The following TMEM232 variants were observed in gnomAD, a reference collection of about 807,000 sequenced individuals.
TMEM232 encodes transmembrane protein 232.
A neutral mutation model predicts 78.8 loss-of-function variants in TMEM232; 80 were observed. The observed-to-expected ratio is 1.01, with a 90% CI of 0.85 to 1.22. The LOEUF is 1.22. Ranked by LOEUF, TMEM232 falls within the 50% of genes most tolerant of loss-of-function variation. The pLI is 0.00. For synonymous variants in TMEM232, 297 were observed against 254.3 expected, an observed-to-expected ratio of 1.17 and a Z score of -1.60; for missense variants, 881 against 742.2, an observed-to-expected ratio of 1.19 and a Z score of -2.17.
intron 8 of TMEM232, among the ~76,000 whole-genome samples, chr5:110,615,928 G>A (rs908211995): frequency 1.3e-5 from 2 of 151,586 alleles, no homozygotes; most frequent in Non-Finnish European, 3.0e-5. Flanking sequence ...TAAAGCCTAA[G>A]CAATTAAGTG....
intron 12 of TMEM232, among the ~76,000 whole-genome samples, chr5:110,487,746 T>C (rs952266040): frequency 2.6e-5 from 4 of 152,060 alleles, no homozygotes; most frequent in African/African-American, 4.8e-5. Flanking sequence ...TATTCAAAGA[T>C]ACTGATCTGT....
intron 1 of TMEM232, among the ~76,000 whole-genome samples, chr5:110,736,744 T>C (rs902991809): frequency 6.6e-6 from 1 of 152,058 alleles, no homozygotes; most frequent in Non-Finnish European, 1.5e-5. Context: ...ACAGTCACAT[T>C]ACTCCTCTAC....
chr5:110,479,979 C>T (rs1763687634), intron 12 of TMEM232, among the ~76,000 whole-genome samples: 2 of 151,112 alleles, frequency 1.3e-5, no homozygotes, highest in Admixed American at 6.6e-5. Context: ...CATTTTTTTT[C>T]CTCCTGTAAA....
At chr5:110,582,157 C>T (rs1013083941) in intron 10 of TMEM232, among the ~76,000 whole-genome samples, 12 of 151,854 alleles carry the variant, frequency 7.9e-5, no homozygotes, top group East Asian at 3.9e-4. Flanking sequence ...CTCATTACTG[C>T]GTATATACCC....
chr5:110,628,210 T>G (rs1240870705), intron 5 of TMEM232, among the ~76,000 whole-genome samples: 2 of 151,838 alleles, frequency 1.3e-5, no homozygotes, highest in African/African-American at 4.9e-5. Context: ...GAGGAGATTT[T>G]TAAATAAAAT....
rs191809354 is a variant in TMEM232 at position 110,465,889 on chromosome 5, T to G, written c.1704-40973A>C. ...TATTGGGTATCTACCATGCATGAGCTTCTTTCTGCTCTAGTAATGGAATAT... is the reference window on the plus strand; with the variant it reads ...TATTGGGTATCTACCATGCATGAGCGTCTTTCTGCTCTAGTAATGGAATAT... On this transcript the variant is annotated intron_variant, in intron 12 of 13. Coordinates refer to ENST00000455884, the MANE Select transcript of TMEM232 (RefSeq NM_001039763.4). Among the ~76,000 whole-genome samples the G allele has an allele frequency of 2.0e-4, 30 of 152,294 alleles. No individual in the cohort carries two copies. The East Asian group carries it at 3.9e-3, about 20-fold the overall frequency.
Position 110,605,119 on chromosome 5 carries a change from C to T in TMEM232, c.1266G>A (p.Met422Ile), listed in dbSNP as rs1471281702. The change falls in exon 10 of 14, where the codon ATG becomes ATA. Residue 422 changes from methionine to isoleucine, a missense_variant. By Grantham distance (10) the Met-to-Ile change is conservative. Transcript: ENST00000455884. ...AAACAATCTACTTACAGTTCTCTGA[C>T]ATTTTTGAAGAGAAATATTCCAAAA... is the stretch of plus-strand genomic sequence containing the variant. ...LSLLEYFSSK[M>I]SENCDQVVWT... The T allele has an allele frequency of 1.9e-6, 3 of 1,541,564 alleles. No individual in the cohort carries two copies. The highest frequency in any genetic ancestry group is 2.0e-5 in the Admixed American group (1 of 49,664).
At chr5:110,615,572 C>A (rs975640684) in intron 8 of TMEM232, among the ~76,000 whole-genome samples, 1 of 151,722 alleles carries the variant, frequency 6.6e-6, no homozygotes, top group African/African-American at 2.4e-5. Flanking sequence ...AAATCAGGAA[C>A]AAGACAAGAA....
intron 12 of TMEM232, among the ~76,000 whole-genome samples, chr5:110,524,445 GAAAGAAAGAAAGAA>G (rs1770251711): frequency 1.3e-5 from 2 of 149,156 alleles, no homozygotes; most frequent in Non-Finnish European, 3.0e-5. Context: ...GAAAAGAAAG[GAAAGAAAGAAAGAA>G]AAAGAAAGAA....
intron 12 of TMEM232, among the ~76,000 whole-genome samples, chr5:110,434,000 A>G (rs982547966): frequency 6.6e-6 from 1 of 152,024 alleles, no homozygotes; most frequent in African/African-American, 2.4e-5. Context: ...TTATAGAATG[A>G]GTTAAGGAGG....
At chr5:110,445,594 A>C (rs919593544) in intron 12 of TMEM232, among the ~76,000 whole-genome samples, 1 of 152,010 alleles carries the variant, frequency 6.6e-6, no homozygotes, top group East Asian at 1.9e-4. Flanking sequence ...TTAACAACTT[A>C]AAACAAAAAA....
chr5:110,485,448 C>T (rs1185997973), intron 12 of TMEM232, among the ~76,000 whole-genome samples: 1 of 152,028 alleles, frequency 6.6e-6, no homozygotes, highest in Non-Finnish European at 1.5e-5. Context: ...TAATCCCTCA[C>T]CCACCACCCC....
chr5:110,613,423 A>C (rs541392151), intron 8 of TMEM232, among the ~76,000 whole-genome samples: 4 of 152,292 alleles, frequency 2.6e-5, no homozygotes, highest in African/African-American at 9.6e-5. Flanking sequence ...CTGATATTTC[A>C]GTTGAATGGT....
chr5:110,614,081 T>C (rs964728964), intron 8 of TMEM232, among the ~76,000 whole-genome samples: 7 of 152,130 alleles, frequency 4.6e-5, no homozygotes, highest in Non-Finnish European at 1.0e-4. Context: ...CAAAACTATT[T>C]GGCAGTACTG....
chr5:110,412,567 C>CTTT (rs66505851), intron 2 of TMEM232, among the ~76,000 whole-genome samples: 6 of 147,862 alleles, frequency 4.1e-5, no homozygotes, highest in Non-Finnish European at 7.5e-5. Context: ...TAGCCAAACT[C>CTTT]TTTTTTTTTT....
At chr5:110,687,387 C>G (rs907353656) in intron 1 of TMEM232, among the ~76,000 whole-genome samples, 1 of 152,118 alleles carries the variant, frequency 6.6e-6, no homozygotes, top group African/African-American at 2.4e-5. Flanking sequence ...CAAATAAACT[C>G]TCTATATTAA....
exon 3 of TMEM232, chr5:110,397,844 G>T (rs1755449290): frequency 6.6e-6 from 1 of 152,576 alleles, no homozygotes; most frequent in Non-Finnish European, 1.5e-5. Flanking sequence ...TGCACAGCAT[G>T]TTGCTTCTGT....
chr5:110,544,837 T>C (rs998584749), intron 11 of TMEM232, among the ~76,000 whole-genome samples: 49 of 152,240 alleles, frequency 3.2e-4, no homozygotes, highest in African/African-American at 1.2e-3. Context: ...CACTGGACCA[T>C]TTTATTGCCA....
chr5:110,656,494 T>C lies in TMEM232; in HGVS notation c.125+10734A>G, dbSNP rs1789077282. 2.6e-5 allele frequency among the ~76,000 whole-genome samples: 4 copies of C among 152,070 alleles called. No individual in the cohort carries two copies. The South Asian group carries it at 6.2e-4, about 24-fold the overall frequency. The stretch of plus-strand genomic sequence containing the variant: ...GAGATATCAAAGAATACATTAAAGA[T>C]AAAGACAATGATAGAAAATGTACAT... On this transcript the variant is annotated intron_variant, in intron 2 of 13. Transcript: ENST00000455884.
Sources: gnomAD v4.1 joint callset for allele counts (sites outside exome capture counted in the v4.1 genomes callset) on GRCh38, gnomAD v4.1.1 for gene constraint, MANE v1.5 for transcripts, NCBI Gene and HGNC (gene_info 2026-07-23, HGNC 2026-07-21) for gene names.